The following QPRT variants were observed in gnomAD, a reference collection of about 807,000 sequenced individuals.
The protein encoded by QPRT is quinolinate phosphoribosyltransferase, also known as nicotinate-nucleotide pyrophosphorylase [carboxylating].
Under a neutral mutation model 19.8 loss-of-function variants are expected in QPRT, and 17 were observed. That is an observed-to-expected ratio of 0.86 (90% confidence interval 0.59 to 1.29). The LOEUF (loss-of-function observed/expected upper bound fraction) is 1.29, where lower values mean the gene tolerates loss of function less well. Ranked by LOEUF, QPRT falls within the 50% of genes most tolerant of loss-of-function variation. The pLI, the probability that QPRT is intolerant of heterozygous loss-of-function variation, is 0.00. For missense variants in QPRT, 336 were observed against 405.1 expected (o/e 0.83, Z 1.46); for synonymous variants, 178 against 191.0 (o/e 0.93, Z 0.56).
At chr16:29,687,330 C>CA (rs893978345) in intron 1 of QPRT, among the ~76,000 whole-genome samples, 22 of 152,174 alleles carry the variant, frequency 1.4e-4, no homozygotes, top group African/African-American at 4.8e-4. Context: ...TCAAAACGGC[C>CA]AAATATTGGC....
At chr16:29,696,775 T>C in intron 2 of QPRT, 1 of 517,544 alleles carries the variant, frequency 1.9e-6, no homozygotes, top group South Asian at 2.5e-5. Flanking sequence ...GTTGAGACCC[T>C]GTCTCAAAAA....
chr16:29,679,837 C>T (rs1032329078), intron 1 of QPRT, among the ~76,000 whole-genome samples: 3 of 152,066 alleles, frequency 2.0e-5, no homozygotes, highest in Non-Finnish European at 4.4e-5. Context: ...ATCTAAGAAG[C>T]AGATGGTACG....
At chr16:29,694,585 GGTT>G (rs2142310826) in intron 1 of QPRT, 76 bp from the exon 2 acceptor site, 1 of 1,438,728 alleles carries the variant, frequency 7.0e-7, no homozygotes, top group East Asian at 2.4e-5. Flanking sequence ...CAGTTTCACT[GGTT>G]GTTAAATATT....
chr16:29,695,284 ACCGGGTGAACAGCCATGG>A, intron 2 of QPRT, 85 bp downstream of exon 2: 1 of 1,398,982 alleles, frequency 7.1e-7, no homozygotes, highest in Non-Finnish European at 9.4e-7. Context: ...TCCAGCCATG[ACCGGGTGAACAGCCATGG>A]CCTGGAGTCA....
chr16:29,695,094 G>T lies in QPRT; in HGVS notation c.444G>T (p.Glu148Asp). The T allele has an allele frequency of 6.2e-7, 1 of 1,604,546 alleles. No homozygotes were observed. ...RKTTPGFRLV[E>D]KYGLLVGGAA... ...CCACGCCAGGCTTCCGGCTGGTGGAGAAGTATGGGCTCCTGGTGGGCGGGG... is the reference window on the plus strand; with the variant it reads ...CCACGCCAGGCTTCCGGCTGGTGGATAAGTATGGGCTCCTGGTGGGCGGGG... Residue 148 changes from glutamate (E) to aspartate (D), a missense_variant, in exon 2 of 4, where the codon GAG becomes GAT. Coordinates refer to ENST00000395384, the MANE Select transcript of QPRT (RefSeq NM_014298.6).
At chr16:29,694,636 C>G in intron 1 of QPRT, 28 bp from the exon 2 acceptor site, 5 of 1,511,966 alleles carry the variant, frequency 3.3e-6, no homozygotes, top group Admixed American at 2.3e-5. Flanking sequence ...GGCAGCCAAA[C>G]TCAACAGCTG....
chr16:29,696,038 C>T (rs1017994824), intron 2 of QPRT: 2 of 152,146 alleles, frequency 1.3e-5, no homozygotes, highest in African/African-American at 2.4e-5. Context: ...AGCCTTGAGC[C>T]CATCTCTCTA....
chr16:29,694,547 T>A (rs1967455570), intron 1 of QPRT, 117 bp from the exon 2 acceptor site: 24 of 741,830 alleles, frequency 3.2e-5, no homozygotes, highest in Middle Eastern at 5.4e-4. Context: ...CTGGGACCCC[T>A]AGATCTTGAG....
intron 1 of QPRT, among the ~76,000 whole-genome samples, chr16:29,689,885 G>C (rs1473093741): frequency 6.8e-6 from 1 of 146,820 alleles, no homozygotes; most frequent in Admixed American, 6.8e-5. Flanking sequence ...CGTTAAAAAG[G>C]ACAGAAGTTG....
At chr16:29,693,647 C>T (rs1207634446) in intron 1 of QPRT, among the ~76,000 whole-genome samples, 1 of 151,916 alleles carries the variant, frequency 6.6e-6, no homozygotes, top group Non-Finnish European at 1.5e-5. Flanking sequence ...AGTGCAGTGG[C>T]GTGACCTCGG....
chr16:29,685,472 C>CA (rs886211928), intron 1 of QPRT, among the ~76,000 whole-genome samples: 20 of 151,484 alleles, frequency 1.3e-4, no homozygotes, highest in Admixed American at 3.3e-4. Context: ...CCGTCTCAAA[C>CA]AAAAAAAAAT....
At chr16:29,696,421 T>C (rs1408988025) in intron 2 of QPRT, 1 of 151,652 alleles carries the variant, frequency 6.6e-6, no homozygotes, top group Non-Finnish European at 1.5e-5. Context: ...TCCCAGGAGG[T>C]GGAGGCTGCA....
intron 2 of QPRT, chr16:29,696,776 G>A: frequency 1.9e-6 from 1 of 520,974 alleles, no homozygotes; most frequent in African/African-American, 1.9e-5. Context: ...TTGAGACCCT[G>A]TCTCAAAAAC....
chr16:29,686,449 G>A (rs1034345475), intron 1 of QPRT, among the ~76,000 whole-genome samples: 1 of 152,114 alleles, frequency 6.6e-6, no homozygotes, highest in Non-Finnish European at 1.5e-5. Context: ...TCGCGAGCAC[G>A]CCTACCCTGT....
chr16:29,680,244 C>G (rs1053621128), intron 1 of QPRT, among the ~76,000 whole-genome samples: 2 of 152,096 alleles, frequency 1.3e-5, no homozygotes, highest in African/African-American at 2.4e-5. Flanking sequence ...GTGTTAGCCA[C>G]CGTGCCCGGC....
rs1047343750 is a variant in QPRT, at chr16:29,694,573, C to T, written c.14-91C>T. The T allele has an allele frequency of 1.0e-5, 13 of 1,293,600 alleles. No homozygotes were observed. The East Asian group carries it at 3.9e-4, about 39-fold the overall frequency. The allele number at this position is 1,293,600 out of a possible 1,614,324, so 80.1% of individuals were successfully genotyped here. A position where few individuals can be genotyped will look rare whatever the true frequency, so the allele number is the denominator to read the frequency against. On this transcript the variant is annotated intron_variant, in intron 1 of 3. Coordinates refer to ENST00000395384, the MANE Select transcript of QPRT (RefSeq NM_014298.6). The stretch of plus-strand genomic sequence containing the variant: ...AGATCTTGAGGCTGATGGGCCAGTT[C>T]CCAGTTTCACTGGTTGTTAAATATT...
At chr16:29,692,362 C>T (rs954811135) in intron 1 of QPRT, among the ~76,000 whole-genome samples, 1 of 151,818 alleles carries the variant, frequency 6.6e-6, no homozygotes, top group African/African-American at 2.4e-5. Context: ...GGGCGGATCA[C>T]GAAGTCAGGA....
rs1596802471 is a variant in QPRT at position 29,698,480 on chromosome 16, C to T, written c.*1069C>T. The T allele has an allele frequency of 6.5e-6, 1 of 152,688 alleles. No homozygotes were observed. Among genetic ancestry groups the T allele is most frequent in the Middle Eastern group, 3.4e-3 (1 of 294 alleles). The allele number at this position is 152,688 out of a possible 1,614,324, so 9.5% of individuals were successfully genotyped here. The stretch of plus-strand genomic sequence containing the variant: ...ACTTGTGTTATCTGTAAATTCCAGA[C>T]ATTGTATGAAAAAGCATTGCAAAAC... On this transcript the variant is annotated 3_prime_UTR_variant, in exon 4 of 4. Transcript: ENST00000395384.
chr16:29,683,354 GTTC>G (rs985271760), intron 1 of QPRT, among the ~76,000 whole-genome samples: 2 of 151,066 alleles, frequency 1.3e-5, no homozygotes, highest in African/African-American at 4.9e-5. Context: ...GAGAGCATTG[GTTC>G]TTTTTTTTTT....
Sources: gnomAD v4.1 joint callset for allele counts (sites outside exome capture counted in the v4.1 genomes callset) on GRCh38, gnomAD v4.1.1 for gene constraint, MANE v1.5 for transcripts, NCBI Gene and HGNC (gene_info 2026-07-23, HGNC 2026-07-21) for gene names.